Variants in SCAPER observed in about 807,000 individuals in gnomAD.
SCAPER encodes the protein S phase cyclin A-associated protein in the endoplasmic reticulum.
Under a neutral mutation model 182.2 loss-of-function variants are expected in SCAPER, and 98 were observed. That is an observed-to-expected ratio of 0.54 (90% CI 0.46 to 0.64). The LOEUF (loss-of-function observed/expected upper bound fraction) is 0.64. Ranked by LOEUF, SCAPER falls within the 30% of genes least tolerant of loss-of-function variation. The pLI is 0.00. For missense variants in SCAPER, 1,432 were observed against 1,690.0 expected (o/e 0.85, Z 2.68); for synonymous variants, 605 against 564.6 (o/e 1.07, Z -1.01).
chr15:76,528,073 A>G (rs2043341151), intron 23 of SCAPER, among the ~76,000 whole-genome samples: 1 of 152,188 alleles, frequency 6.6e-6, no homozygotes, highest in South Asian at 2.1e-4. Flanking sequence ...CAGATAGTAA[A>G]CAGTACAAGT....
At chr15:76,360,656 A>G (rs1185998714) in intron 29 of SCAPER, among the ~76,000 whole-genome samples, 1 of 152,144 alleles carries the variant, frequency 6.6e-6, no homozygotes, top group Non-Finnish European at 1.5e-5. Context: ...AAACAAACCA[A>G]CTGACATAGA....
At chr15:76,417,495 A>T (rs1377193997) in intron 26 of SCAPER, among the ~76,000 whole-genome samples, 1 of 152,226 alleles carries the variant, frequency 6.6e-6, no homozygotes. Flanking sequence ...AGACTGAGAG[A>T]TCTAGCTTAA....
chr15:76,824,678 A>G (rs2067846572), intron 5 of SCAPER, among the ~76,000 whole-genome samples: 1 of 152,258 alleles, frequency 6.6e-6, no homozygotes, highest in South Asian at 2.1e-4. Context: ...AACCATTTGC[A>G]AAACTGTCAA....
In SCAPER at chr15:76,418,774, G is replaced by A. The variant is rs1596516296; in HGVS notation, c.3312-14095C>T. ...ACTGTGGTGAAGCCACCAAACAGCT[G>A]GTTGGCCTGCTGTGCCCACATCTGG... On this transcript the variant is annotated intron_variant, in intron 26 of 31. Coordinates refer to ENST00000563290, the MANE Select transcript of SCAPER (RefSeq NM_020843.4). 5.3e-5 allele frequency among the ~76,000 whole-genome samples: 8 copies of A among 152,364 alleles called. 2 individuals are homozygous for A. The highest frequency in any genetic ancestry group is 5.2e-4 in the Admixed American group (8 of 15,310).
At chr15:76,564,830 G>A (rs962369301) in intron 23 of SCAPER, among the ~76,000 whole-genome samples, 1 of 151,874 alleles carries the variant, frequency 6.6e-6, no homozygotes, top group Non-Finnish European at 1.5e-5. Context: ...ACACATAGAC[G>A]AATGGAACAG....
At chr15:76,891,919 T>A (rs1294687899) in intron 1 of SCAPER, among the ~76,000 whole-genome samples, 1 of 152,172 alleles carries the variant, frequency 6.6e-6, no homozygotes, top group Non-Finnish European at 1.5e-5. Context: ...ACTACCTGAC[T>A]TCAAACTATA....
intron 4 of SCAPER, among the ~76,000 whole-genome samples, chr15:76,845,874 T>C (rs765035687): frequency 2.6e-5 from 4 of 151,778 alleles, no homozygotes; most frequent in Admixed American, 6.6e-5. Context: ...ACAAAAAACC[T>C]GGAATACCCA....
intron 17 of SCAPER, among the ~76,000 whole-genome samples, chr15:76,728,293 T>G (rs1401626907): frequency 6.6e-6 from 1 of 151,980 alleles, no homozygotes; most frequent in African/African-American, 2.4e-5. Context: ...ATTTCCAAAC[T>G]TGGTCCTCTA....
intron 29 of SCAPER, among the ~76,000 whole-genome samples, chr15:76,373,904 T>G (rs1305602185): frequency 1.3e-5 from 2 of 151,952 alleles, no homozygotes; most frequent in Non-Finnish European, 2.9e-5. Flanking sequence ...TTATTTTTTT[T>G]TTTTGTCTTT....
rs140336181 is a variant in SCAPER, at chr15:76,632,014, C to G, written c.2646-10185G>C. Among the ~76,000 whole-genome samples the G allele has an allele frequency of 7.6e-4, 115 of 152,212 alleles. No individual in the cohort carries two copies. In the East Asian group the frequency reaches 0.015, roughly 20 times the overall value. ...TTCTTTTTTCTCTAATCTTGTCTGC[C>G]TGCCTTATTTCAGGAAGACAGTCTT... On this transcript the variant is annotated intron_variant, in intron 21 of 31. Coordinates refer to ENST00000563290, the MANE Select transcript of SCAPER (RefSeq NM_020843.4).
At chr15:76,806,300 T>C (rs555943709) in intron 5 of SCAPER, among the ~76,000 whole-genome samples, 1 of 152,306 alleles carries the variant, frequency 6.6e-6, no homozygotes, top group South Asian at 2.1e-4. Flanking sequence ...ATACTATTCT[T>C]TCCCTCATTA....
intron 23 of SCAPER, among the ~76,000 whole-genome samples, chr15:76,513,360 C>T (rs2042190134): frequency 6.6e-6 from 1 of 152,076 alleles, no homozygotes; most frequent in African/African-American, 2.4e-5. Flanking sequence ...ACAGTTTATA[C>T]ATAAAGATGG....
At chr15:76,560,447 C>CTA (rs2046529861) in intron 23 of SCAPER, among the ~76,000 whole-genome samples, 1 of 151,810 alleles carries the variant, frequency 6.6e-6, no homozygotes, top group South Asian at 2.1e-4. Flanking sequence ...CATTTAATAG[C>CTA]CACACAATTC....
intron 14 of SCAPER, among the ~76,000 whole-genome samples, chr15:76,756,413 C>T (rs1053930831): frequency 1.3e-5 from 2 of 151,942 alleles, no homozygotes; most frequent in African/African-American, 4.8e-5. Context: ...CCTGTCTCTA[C>T]AAAAAAATTA....
intron 22 of SCAPER, among the ~76,000 whole-genome samples, chr15:76,582,311 C>G (rs1485565711): frequency 6.6e-6 from 1 of 152,132 alleles, no homozygotes; most frequent in East Asian, 1.9e-4. Flanking sequence ...TACATCCTGA[C>G]AGCAAACAAT....
rs576007069 is a variant in SCAPER, at chr15:76,555,812, T to C, written c.2838+18346A>G. 9.9e-5 allele frequency among the ~76,000 whole-genome samples: 15 copies of C among 152,270 alleles called. No individual in the cohort carries two copies. The East Asian group carries it at 1.2e-3, about 12-fold the overall frequency. ...CTTCAATACACTGCACCACCAGTATTAGACAGATCATTGAGGCAAAGAACT... is the reference window on the plus strand; with the variant it reads ...CTTCAATACACTGCACCACCAGTATCAGACAGATCATTGAGGCAAAGAACT... On this transcript the variant is annotated intron_variant, in intron 23 of 31. Transcript: ENST00000563290.
chr15:76,356,099 T>C (rs2040945231), intron 29 of SCAPER, among the ~76,000 whole-genome samples: 1 of 152,166 alleles, frequency 6.6e-6, no homozygotes, highest in Non-Finnish European at 1.5e-5. Flanking sequence ...ATGGGACATC[T>C]AGTCTATGCT....
intron 24 of SCAPER, among the ~76,000 whole-genome samples, chr15:76,473,050 T>C (rs557883844): frequency 6.6e-6 from 1 of 152,308 alleles, no homozygotes; most frequent in East Asian, 1.9e-4. Context: ...AGAGTTTCCA[T>C]TTCTAGATTG....
At chr15:76,361,609 A>T (rs2041425286) in intron 29 of SCAPER, among the ~76,000 whole-genome samples, 1 of 152,258 alleles carries the variant, frequency 6.6e-6, no homozygotes. Flanking sequence ...AAGAGGAAGA[A>T]GCACCAGCTG....
Sources: allele counts gnomAD v4.1 joint callset (sites outside exome capture counted in the v4.1 genomes callset), GRCh38; gene constraint gnomAD v4.1.1; transcripts MANE v1.5; gene names NCBI Gene and HGNC (gene_info 2026-07-23, HGNC 2026-07-21).